RELCH: variants seen among roughly 807,000 people sequenced by gnomAD.
RELCH encodes RAB11-binding protein RELCH.
RELCH carries 41 observed loss-of-function variants against 150.3 expected under a neutral mutation model. The ratio of observed to expected loss-of-function variants is 0.27; its 90% CI spans 0.21 to 0.35. The LOEUF (loss-of-function observed/expected upper bound fraction) is 0.35. RELCH is among the 10% of genes least tolerant of loss of function. The probability of loss-of-function intolerance (pLI) is 1.00; values close to 1 mark genes in which losing one functional copy is unlikely to be tolerated. For synonymous variants in RELCH, 478 were observed against 531.8 expected (o/e 0.90, Z 1.39); for missense variants, 1,092 against 1,467.8 (o/e 0.74, Z 4.18).
chr18:62,273,489 A>G (rs2044023000), intron 20 of RELCH, among the ~76,000 whole-genome samples: 1 of 152,154 alleles, frequency 6.6e-6, no homozygotes. Context: ...TGTATTATAT[A>G]GAGCCAAAAT....
At chr18:62,201,110 T>C (rs1222740495) in intron 1 of RELCH, among the ~76,000 whole-genome samples, 1 of 151,116 alleles carries the variant, frequency 6.6e-6, no homozygotes, top group East Asian at 1.9e-4. Flanking sequence ...AGTAGCTGGG[T>C]CTACAGGCGC....
intron 1 of RELCH, among the ~76,000 whole-genome samples, chr18:62,202,807 A>G (rs954691327): frequency 2.6e-5 from 4 of 152,238 alleles, no homozygotes; most frequent in Non-Finnish European, 5.9e-5. Flanking sequence ...TAACAGATGG[A>G]TACCTAATAA....
At position 62,254,479 on chromosome 18, in the gene RELCH, A is replaced by C. The variant is rs1250160647; in HGVS notation, c.1825-928A>C. Among the ~76,000 whole-genome samples the C allele has an allele frequency of 9.4e-5, 14 of 148,544 alleles. No individual in the cohort carries two copies. The Admixed American group carries it at 9.6e-4, about 10-fold the overall frequency. On this transcript the variant is annotated intron_variant, in intron 12 of 28. Transcript: ENST00000644646. ...ACTGAGCTAAAGAAAAGCAAACGAA[A>C]GTTTATGCACAGCCATACGTTGACA...
chr18:62,250,084 G>C (rs2042621722), intron 11 of RELCH, among the ~76,000 whole-genome samples: 1 of 151,994 alleles, frequency 6.6e-6, no homozygotes. Flanking sequence ...TCCACAAGTA[G>C]GAACAACATT....
intron 28 of RELCH, chr18:62,300,797 G>A (rs143479037): frequency 3.0e-4 from 46 of 152,308 alleles, no homozygotes; most frequent in African/African-American, 1.1e-3. Flanking sequence ...AAGTCATCAT[G>A]TAAAATGTGG....
At chr18:62,247,699 A>G (rs1340550002) in intron 11 of RELCH, among the ~76,000 whole-genome samples, 1 of 151,884 alleles carries the variant, frequency 6.6e-6, no homozygotes, top group Admixed American at 6.6e-5. Flanking sequence ...GGCATGCATC[A>G]CCATGCCTGG....
chr18:62,200,372 A>AT (rs1187131096), intron 1 of RELCH, among the ~76,000 whole-genome samples: 76 of 152,314 alleles, frequency 5.0e-4, no homozygotes, highest in East Asian at 2.5e-3. Context: ...TAAATACTGC[A>AT]TAAGTACATA....
rs776257802 is a variant in RELCH, at chr18:62,187,733, G to T, written c.228G>T (p.Ser76=). Reference sequence around the variant, plus strand: ...GGCCAGGGCTCCCTGGGGAGGCGTCGGCGGCTGCAGTGGCCCTGGGGGGCA... The same window carrying T: ...GGCCAGGGCTCCCTGGGGAGGCGTCTGCGGCTGCAGTGGCCCTGGGGGGCA... ...SARPGLPGEA[S]AAAVALGGTG... The change falls in exon 1 of 29, where the codon TCG becomes TCT. Residue 76 remains serine (S), a synonymous_variant. Transcript: ENST00000644646. 6.2e-7 allele frequency: 1 copy of T among 1,609,282 alleles called. No individual in the cohort carries two copies. The highest frequency in any genetic ancestry group is 8.5e-7 in the Non-Finnish European group (1 of 1,176,778).
At chr18:62,206,528 T>C (rs1236575600) in intron 1 of RELCH, among the ~76,000 whole-genome samples, 1 of 152,234 alleles carries the variant, frequency 6.6e-6, no homozygotes, top group Non-Finnish European at 1.5e-5. Flanking sequence ...TCTGTATTCC[T>C]ATAACTTCCA....
intron 8 of RELCH, among the ~76,000 whole-genome samples, chr18:62,229,485 G>GGGGTGT (rs367856972): frequency 1.4e-5 from 2 of 143,322 alleles, no homozygotes; most frequent in African/African-American, 5.2e-5. Context: ...GTATAGTAGG[G>GGGGTGT]GTGTGTGTGT....
At chr18:62,205,455 A>G (rs2039717547) in intron 1 of RELCH, among the ~76,000 whole-genome samples, 1 of 152,138 alleles carries the variant, frequency 6.6e-6, no homozygotes, top group Non-Finnish European at 1.5e-5. Context: ...TGTTCTAAAA[A>G]CTTCATATAA....
At chr18:62,259,171 C>T (rs911833268) in intron 15 of RELCH, among the ~76,000 whole-genome samples, 1 of 151,936 alleles carries the variant, frequency 6.6e-6, no homozygotes, top group Non-Finnish European at 1.5e-5. Flanking sequence ...ATAGAAACTT[C>T]TTGATCTAAT....
intron 11 of RELCH, among the ~76,000 whole-genome samples, chr18:62,251,481 A>T (rs892405059): frequency 2.0e-5 from 3 of 152,196 alleles, no homozygotes; most frequent in Non-Finnish European, 2.9e-5. Flanking sequence ...ATGCCTGCTG[A>T]GAAGGCAGTA....
intron 10 of RELCH, among the ~76,000 whole-genome samples, chr18:62,236,625 A>T (rs911839404): frequency 2.6e-5 from 4 of 151,800 alleles, no homozygotes; most frequent in African/African-American, 9.7e-5. Context: ...CATAGTATTA[A>T]CTTATATCTT....
intron 15 of RELCH, among the ~76,000 whole-genome samples, chr18:62,260,755 T>C (rs1274745288): frequency 6.6e-6 from 1 of 151,948 alleles, no homozygotes; most frequent in Non-Finnish European, 1.5e-5. Context: ...AAGAATGCTA[T>C]CCTGTCGTTT....
intron 2 of RELCH, 38 bp downstream of exon 2, chr18:62,211,280 CA>C (rs759644140): frequency 2.4e-6 from 3 of 1,265,940 alleles, no homozygotes; most frequent in Non-Finnish European, 3.5e-6. Flanking sequence ...GATTCTTTGA[CA>C]TTCCAGAAAT....
chr18:62,259,171 C>A (rs911833268), intron 15 of RELCH, among the ~76,000 whole-genome samples: 3 of 151,936 alleles, frequency 2.0e-5, no homozygotes, highest in Non-Finnish European at 4.4e-5. Context: ...ATAGAAACTT[C>A]TTGATCTAAT....
intron 10 of RELCH, among the ~76,000 whole-genome samples, chr18:62,238,034 TTA>T (rs1168237099): frequency 6.6e-6 from 1 of 151,866 alleles, no homozygotes; most frequent in African/African-American, 2.4e-5. Context: ...GTTGTAACAG[TTA>T]TGTTTCTTTA....
chr18:62,268,904 A>G lies in RELCH; in HGVS notation c.2716A>G (p.Thr906Ala). Residue 906 changes from threonine (T) to alanine (A), a missense_variant, in exon 20 of 29, where the codon ACA (threonine) becomes GCA (alanine). Physicochemically the swap from Thr to Ala is moderately conservative, Grantham distance 58 (BLOSUM62 0). Around this residue, in one of 4 missense-constraint regions of RELCH, gnomAD observed 707 missense variants for 1,025.4 expected, o/e 0.69. Transcript: ENST00000644646. ...SAGNGVLTKATVPIYATGVLT... is the reference protein window; with the variant it reads ...SAGNGVLTKAAVPIYATGVLT... The stretch of plus-strand genomic sequence containing the variant: ...AGGAAATGGGGTCCTCACTAAAGCT[A>G]CAGTCCCCATTTATGCAACAGGAGT... 6.4e-7 allele frequency: 1 copy of G among 1,553,636 alleles called. No individual in the cohort carries two copies. The highest frequency in any genetic ancestry group is 8.7e-7 in the Non-Finnish European group (1 of 1,146,310).
Sources: allele counts gnomAD v4.1 joint callset (sites outside exome capture counted in the v4.1 genomes callset), GRCh38; gene constraint gnomAD v4.1.1; regional missense constraint gnomAD v4.1.1; transcripts MANE v1.5; gene names NCBI Gene and HGNC (gene_info 2026-07-23, HGNC 2026-07-21).